CSMD1: variants seen among roughly 807,000 people sequenced by gnomAD.
CSMD1 encodes CUB and sushi domain-containing protein 1.
Under a neutral mutation model 417.5 loss-of-function variants are expected in CSMD1, and 213 were observed. That is an observed-to-expected ratio of 0.51 (90% CI 0.46 to 0.57). CSMD1 has a LOEUF of 0.57. CSMD1 is among the 20% of genes least tolerant of loss of function. CSMD1 has a pLI of 0.00. For missense variants in CSMD1, 6,923 were observed against 4,529.7 expected, an observed-to-expected ratio of 1.53 and a Z score of -15.17; for synonymous variants, 2,862 against 1,736.8, an observed-to-expected ratio of 1.65 and a Z score of -16.11.
intron 48 of CSMD1, among the ~76,000 whole-genome samples, chr8:3,091,104 C>G (rs1454546546): frequency 6.6e-6 from 1 of 151,644 alleles, no homozygotes; most frequent in Non-Finnish European, 1.5e-5. Context: ...ATAAAGAGAC[C>G]TGCAGATAGA....
At chr8:3,612,824 A>G (rs1005217174) in intron 8 of CSMD1, among the ~76,000 whole-genome samples, 9 of 152,066 alleles carry the variant, frequency 5.9e-5, no homozygotes, top group Admixed American at 5.2e-4. Context: ...ATTTAGAAAG[A>G]ATAAAGGTCT....
In CSMD1 at chr8:3,796,293, T is replaced by TAGATATCTATCATGTATAGATAC. The variant is rs1800120015; in HGVS notation, c.819-42252_819-42251insGTATCTATACATGATAGATATCT. On this transcript the variant is annotated intron_variant, in intron 5 of 69. Coordinates refer to ENST00000635120, the MANE Select transcript of CSMD1 (RefSeq NM_033225.6). ...GATATATATCTATCATGTATAGATA[T>TAGATATCTATCATGTATAGATAC]ATCTATCATGTATAGATATAGATAT... Among the ~76,000 whole-genome samples the TAGATATCTATCATGTATAGATAC allele has an allele frequency of 1.3e-3, 35 of 27,974 alleles. 10 individuals carry two copies. The highest frequency in any genetic ancestry group is 1.8e-3 in the African/African-American group (20 of 11,070). 18.4% of individuals were successfully genotyped at this position (27,974 alleles called of 152,430 possible). A position where few individuals can be genotyped will look rare whatever the true frequency, so the allele number is the denominator to read the frequency against.
intron 26 of CSMD1, among the ~76,000 whole-genome samples, chr8:3,256,869 A>G (rs866244502): frequency 1.7e-4 from 26 of 152,334 alleles, no homozygotes; most frequent in Admixed American, 2.6e-4. Context: ...TGTTAGGAGG[A>G]GATTTTTCAA....
At chr8:2,962,682 G>T in intron 60 of CSMD1, 43 bp from the exon 61 acceptor site, 1 of 1,583,398 alleles carries the variant, frequency 6.3e-7, no homozygotes, top group Non-Finnish European at 8.6e-7. Context: ...CAACGTCCCT[G>T]GATCAGCTTC....
At chr8:3,761,238 G>T (rs1427477692) in intron 5 of CSMD1, among the ~76,000 whole-genome samples, 1 of 151,914 alleles carries the variant, frequency 6.6e-6, no homozygotes, top group Middle Eastern at 3.2e-3. Context: ...GTTAAAAGAA[G>T]GTCTATGTGT....
At chr8:3,590,274 C>A (rs1033885374) in intron 8 of CSMD1, among the ~76,000 whole-genome samples, 3 of 151,966 alleles carry the variant, frequency 2.0e-5, no homozygotes, top group African/African-American at 7.2e-5. Flanking sequence ...TTTATATATT[C>A]AAATGATTAT....
intron 5 of CSMD1, among the ~76,000 whole-genome samples, chr8:3,803,849 AG>A (rs1296258410): frequency 2.0e-5 from 3 of 152,204 alleles, no homozygotes; most frequent in Non-Finnish European, 4.4e-5. Context: ...CATGGCAAAG[AG>A]GTGTGAAGCT....
At chr8:4,259,473 A>C (rs1803721002) in intron 3 of CSMD1, among the ~76,000 whole-genome samples, 1 of 152,306 alleles carries the variant, frequency 6.6e-6, no homozygotes, top group Non-Finnish European at 1.5e-5. Context: ...TAGGCTTAAA[A>C]ATTAAATTTT....
rs1472729272 is a variant in CSMD1 at position 4,182,032 on chromosome 8, G to A, written c.416-149933C>T. Among the ~76,000 whole-genome samples the A allele has an allele frequency of 2.5e-5, 3 of 118,116 alleles. No individual in the cohort carries two copies. In the East Asian group the frequency reaches 6.8e-4, roughly 27 times the overall value. The allele number at this position is 118,116 out of a possible 152,430, so 77.5% of individuals were successfully genotyped here. A position where few individuals can be genotyped will look rare whatever the true frequency, so the allele number is the denominator to read the frequency against. ...CAGAAACTCATACACACCCGTGTGT[G>A]TGTGTGTGTGTCGGTGTGTGTGTGT... On this transcript the variant is annotated intron_variant, in intron 3 of 69. Transcript: ENST00000635120.
intron 3 of CSMD1, among the ~76,000 whole-genome samples, chr8:4,321,567 T>G (rs1249542335): frequency 2.0e-5 from 3 of 152,094 alleles, no homozygotes; most frequent in African/African-American, 7.2e-5. Flanking sequence ...TAACAGACAA[T>G]AAATGGTGTG....
chr8:4,620,923 A>C (rs992058864), intron 2 of CSMD1, among the ~76,000 whole-genome samples: 2 of 152,022 alleles, frequency 1.3e-5, no homozygotes, highest in African/African-American at 4.8e-5. Flanking sequence ...GCAACTGGCA[A>C]ATAATAAATT....
In CSMD1 at chr8:4,394,302, C is replaced by G. The variant is rs567462859; in HGVS notation, c.415+25651G>C. ...AATGAAGTTGAGTAAAAATGTTTACCCTCCTATGTTTCAATAATTTAATGG... is the reference window on the plus strand; with the variant it reads ...AATGAAGTTGAGTAAAAATGTTTACGCTCCTATGTTTCAATAATTTAATGG... On this transcript the variant is annotated intron_variant, in intron 3 of 69. Transcript: ENST00000635120. 2.0e-5 allele frequency among the ~76,000 whole-genome samples: 3 copies of G among 151,900 alleles called. No individual in the cohort carries two copies. In the South Asian group the frequency reaches 6.2e-4, roughly 32 times the overall value.
intron 23 of CSMD1, among the ~76,000 whole-genome samples, chr8:3,340,099 C>G (rs370063374): frequency 6.6e-6 from 1 of 152,148 alleles, no homozygotes; most frequent in African/African-American, 2.4e-5. Flanking sequence ...ATACTTGATG[C>G]CTGCCAAATG....
rs1331469513 is a variant in CSMD1 at position 3,163,269 on chromosome 8, C to T, written c.5726-992G>A. ...GGCTTCTCTTGGTAGGCCAGCTTCA[C>T]ATTCTTTATGGGGCCTTGGATTCGC... On this transcript the variant is annotated intron_variant, in intron 37 of 69. Transcript: ENST00000635120. Among the ~76,000 whole-genome samples the T allele has an allele frequency of 2.6e-5, 4 of 152,298 alleles. No homozygotes were observed. In the East Asian group the frequency reaches 7.7e-4, roughly 29 times the overall value.
intron 3 of CSMD1, among the ~76,000 whole-genome samples, chr8:4,287,782 G>C (rs767937389): frequency 6.6e-6 from 1 of 151,754 alleles, no homozygotes; most frequent in Non-Finnish European, 1.5e-5. Context: ...GAGCGAGTTG[G>C]ACTCATACTA....
At chr8:3,658,495 T>C (rs1223112614) in intron 7 of CSMD1, among the ~76,000 whole-genome samples, 1 of 144,390 alleles carries the variant, frequency 6.9e-6, no homozygotes, top group Non-Finnish European at 1.5e-5. Flanking sequence ...ATTTAAAGCT[T>C]TCCTTGGTCG....
intron 49 of CSMD1, among the ~76,000 whole-genome samples, chr8:3,053,969 A>G (rs1178282590): frequency 6.6e-6 from 1 of 152,218 alleles, no homozygotes; most frequent in Non-Finnish European, 1.5e-5. Context: ...AACAAGATAG[A>G]GCGGGAAGGG....
chr8:3,737,877 T>G lies in CSMD1; in HGVS notation c.931+16053A>C, dbSNP rs185961131. 1.5e-4 allele frequency among the ~76,000 whole-genome samples: 23 copies of G among 152,338 alleles called. No individual in the cohort carries two copies. The East Asian group carries it at 4.0e-3, about 27-fold the overall frequency. ...TGTTAAGTCAGCCTTATTTAGTCTT[T>G]GCCCAGTGAGAATTCCCTCAAACTC... is the stretch of plus-strand genomic sequence containing the variant. On this transcript the variant is annotated intron_variant, in intron 6 of 69. Coordinates refer to ENST00000635120, the MANE Select transcript of CSMD1 (RefSeq NM_033225.6).
chr8:3,298,867 T>C (rs1055683117), intron 25 of CSMD1, among the ~76,000 whole-genome samples: 4 of 152,228 alleles, frequency 2.6e-5, no homozygotes, highest in Non-Finnish European at 2.9e-5. Flanking sequence ...TGAGTCCAGA[T>C]AATTTTCCCT....
Sources: gnomAD v4.1 joint callset for allele counts (sites outside exome capture counted in the v4.1 genomes callset) on GRCh38, gnomAD v4.1.1 for gene constraint, MANE v1.5 for transcripts, NCBI Gene and HGNC (gene_info 2026-07-23, HGNC 2026-07-21) for gene names.